The following PPP1R21 variants were observed in gnomAD, a reference collection of about 807,000 sequenced individuals.
The protein encoded by PPP1R21 is protein phosphatase 1 regulatory subunit 21.
PPP1R21 carries 85 observed loss-of-function variants against 112.8 expected under a neutral mutation model. The observed-to-expected ratio is 0.75, with a 90% CI of 0.63 to 0.90. The LOEUF (loss-of-function observed/expected upper bound fraction) is 0.90. Ranked by LOEUF, PPP1R21 falls within the 40% of genes least tolerant of loss-of-function variation. The pLI is 0.00. For synonymous variants in PPP1R21, 381 were observed against 322.3 expected (o/e 1.18, Z -1.95); for missense variants, 1,199 against 901.5 (o/e 1.33, Z -4.23).
intron 17 of PPP1R21, among the ~76,000 whole-genome samples, chr2:48,502,769 T>C (rs535560893): frequency 1.4e-5 from 2 of 147,088 alleles, no homozygotes; most frequent in Middle Eastern, 3.5e-3. Flanking sequence ...CAAGCTCCGC[T>C]TCCCGGGTTC....
At chr2:48,476,126 C>T (rs1668743466) in intron 12 of PPP1R21, among the ~76,000 whole-genome samples, 1 of 152,280 alleles carries the variant, frequency 6.6e-6, no homozygotes, top group African/African-American at 2.4e-5. Flanking sequence ...TTCCACCCCT[C>T]CCTAGCCCGT....
intron 13 of PPP1R21, among the ~76,000 whole-genome samples, chr2:48,481,779 A>G (rs994791800): frequency 1.3e-5 from 2 of 152,200 alleles, no homozygotes; most frequent in Admixed American, 6.5e-5. Flanking sequence ...AGCATTCTTA[A>G]TACGGTAATC....
intron 2 of PPP1R21, among the ~76,000 whole-genome samples, chr2:48,452,607 A>G (rs990338189): frequency 9.9e-5 from 15 of 151,730 alleles, no homozygotes; most frequent in African/African-American, 3.4e-4. Flanking sequence ...TAGTACAACA[A>G]GTGACAATTT....
At chr2:48,507,031 G>C (rs1418972481) in intron 18 of PPP1R21, among the ~76,000 whole-genome samples, 15 of 151,388 alleles carry the variant, frequency 9.9e-5, no homozygotes, top group Admixed American at 4.6e-4. Flanking sequence ...CATTACTTCA[G>C]TTCTGTTTTC....
intron 13 of PPP1R21, among the ~76,000 whole-genome samples, chr2:48,486,313 T>A (rs953594468): frequency 1.1e-4 from 17 of 152,176 alleles, no homozygotes; most frequent in African/African-American, 3.9e-4. Context: ...CAGTGGTTTT[T>A]AACTGGTAAA....
chr2:48,440,768 T>A lies in PPP1R21; in HGVS notation c.-186T>A. 1.7e-6 allele frequency: 1 copy of A among 601,638 alleles called. No homozygotes were observed. The highest frequency in any genetic ancestry group is 2.9e-6 in the Non-Finnish European group (1 of 340,048). The allele number at this position is 601,638 out of a possible 1,614,324, so 37.3% of individuals were successfully genotyped here. ...GTGGTCGCTCCGCCCCCGGCCCCACTCCACCTTCCTCCCACCCCGGGAACC... is the reference window on the plus strand; with the variant it reads ...GTGGTCGCTCCGCCCCCGGCCCCACACCACCTTCCTCCCACCCCGGGAACC... On this transcript the variant is annotated 5_prime_UTR_variant, in exon 1 of 22. Transcript: ENST00000294952.
At chr2:48,472,500 C>T (rs1668563706) in intron 11 of PPP1R21, among the ~76,000 whole-genome samples, 1 of 151,604 alleles carries the variant, frequency 6.6e-6, no homozygotes, top group Admixed American at 6.6e-5. Flanking sequence ...GTGGTGCATG[C>T]CTGTAGTCCC....
At chr2:48,507,749 CTTTT>C (rs34546075) in intron 19 of PPP1R21, among the ~76,000 whole-genome samples, 20 of 42,400 alleles carry the variant, frequency 4.7e-4, no homozygotes, top group African/African-American at 1.4e-3. Flanking sequence ...GAGGCTCTGC[CTTTT>C]TTTTTTTTTT....
At chr2:48,462,984 G>C (rs1668041114) in intron 7 of PPP1R21, among the ~76,000 whole-genome samples, 1 of 152,198 alleles carries the variant, frequency 6.6e-6, no homozygotes, top group African/African-American at 2.4e-5. Flanking sequence ...AGATGGTGAT[G>C]CAGTTGACCG....
At chr2:48,509,712 G>A (rs562619307) in intron 19 of PPP1R21, among the ~76,000 whole-genome samples, 27 of 149,894 alleles carry the variant, frequency 1.8e-4, no homozygotes, top group Non-Finnish European at 3.7e-4. Flanking sequence ...CTCAAAAAAA[G>A]AAAAAAAAAG....
At chr2:48,486,401 C>T (rs2103919420) in intron 13 of PPP1R21, among the ~76,000 whole-genome samples, 2 of 152,262 alleles carry the variant, frequency 1.3e-5, no homozygotes, top group Middle Eastern at 6.8e-3. Context: ...ATCTTGGTGG[C>T]TGTAGTAAAG....
At chr2:48,499,358 C>T (rs935734333) in intron 17 of PPP1R21, among the ~76,000 whole-genome samples, 1 of 152,064 alleles carries the variant, frequency 6.6e-6, no homozygotes, top group Non-Finnish European at 1.5e-5. Flanking sequence ...TCTGTTTTTC[C>T]ATAAAAACAT....
intron 2 of PPP1R21, among the ~76,000 whole-genome samples, chr2:48,453,038 C>G (rs1267915982): frequency 1.3e-5 from 2 of 151,548 alleles, no homozygotes; most frequent in African/African-American, 4.9e-5. Flanking sequence ...ACTGCAACCT[C>G]TGCCTCCCTG....
chr2:48,445,188 A>G (rs1177462020), intron 1 of PPP1R21, among the ~76,000 whole-genome samples: 1 of 147,758 alleles, frequency 6.8e-6, no homozygotes, highest in Non-Finnish European at 1.5e-5. Flanking sequence ...TTCACTAGTA[A>G]AGTTGGGTTG....
At position 48,447,209 on chromosome 2, in the gene PPP1R21, A is replaced by T. The variant is rs184158660; in HGVS notation, c.58-3799A>T. Reference sequence around the variant, plus strand: ...ATGGGCCGTAGGGAGTCAGGGAGTGATTAGGAAAAATTATGGAGGAAGTAG... The same window carrying T: ...ATGGGCCGTAGGGAGTCAGGGAGTGTTTAGGAAAAATTATGGAGGAAGTAG... On this transcript the variant is annotated intron_variant, in intron 1 of 21. Coordinates refer to ENST00000294952, the MANE Select transcript of PPP1R21 (RefSeq NM_001135629.3). Among the ~76,000 whole-genome samples the T allele has an allele frequency of 1.5e-4, 23 of 152,338 alleles. No individual in the cohort carries two copies. In the East Asian group the frequency reaches 4.4e-3, roughly 29 times the overall value.
intron 13 of PPP1R21, among the ~76,000 whole-genome samples, chr2:48,485,842 CAT>C (rs992296544): frequency 1.1e-4 from 17 of 148,174 alleles, no homozygotes; most frequent in Admixed American, 2.0e-4. Flanking sequence ...TTGTGATTGA[CAT>C]ATATATAGTT....
chr2:48,487,413 G>C (rs1380369744), intron 14 of PPP1R21, among the ~76,000 whole-genome samples: 1 of 152,066 alleles, frequency 6.6e-6, no homozygotes, highest in Non-Finnish European at 1.5e-5. Context: ...ATGATCGTCT[G>C]GATCATTAAA....
intron 7 of PPP1R21, 113 bp from the exon 8 acceptor site, chr2:48,464,824 T>A (rs1189269289): frequency 4.3e-6 from 3 of 698,604 alleles, no homozygotes; most frequent in African/African-American, 3.8e-5. Context: ...TTGATCATTT[T>A]AAATTCTTAT....
chr2:48,457,935 C>A (rs1167631237), intron 3 of PPP1R21, 191 bp from the exon 4 acceptor site: 1 of 551,488 alleles, frequency 1.8e-6, no homozygotes, highest in South Asian at 1.6e-5. Context: ...CTGCTCCTTA[C>A]AATATTTGCA....
Sources: gnomAD v4.1 joint callset for allele counts (sites outside exome capture counted in the v4.1 genomes callset) on GRCh38, gnomAD v4.1.1 for gene constraint, MANE v1.5 for transcripts, NCBI Gene and HGNC (gene_info 2026-07-23, HGNC 2026-07-21) for gene names.